The following KCNMA1 variants were observed in gnomAD, a reference collection of about 807,000 sequenced individuals.
The protein encoded by KCNMA1 is Calcium-activated potassium channel subunit alpha-1.
Under a neutral mutation model 140.0 loss-of-function variants are expected in KCNMA1, and 29 were observed. The ratio of observed to expected loss-of-function variants is 0.21; its 90% confidence interval spans 0.15 to 0.28. The LOEUF (loss-of-function observed/expected upper bound fraction) is 0.28. Among genes scored for constraint, KCNMA1 ranks in the 10% least tolerant of loss-of-function variants. The probability of loss-of-function intolerance (pLI) is 1.00; values close to 1 mark genes in which losing one functional copy is unlikely to be tolerated. For missense variants in KCNMA1, 880 were observed against 1,602.2 expected (o/e 0.55, Z 7.70); for synonymous variants, 612 against 611.9 (o/e 1.00, Z 0.00).
chr10:77,021,585 T>C (rs575369980), intron 16 of KCNMA1, among the ~76,000 whole-genome samples: 2 of 152,344 alleles, frequency 1.3e-5, no homozygotes, highest in Admixed American at 6.5e-5. Flanking sequence ...TATCTGGTGA[T>C]GGGCTAATTT....
intron 1 of KCNMA1, among the ~76,000 whole-genome samples, chr10:77,438,878 A>G (rs1362637324): frequency 6.6e-6 from 1 of 152,112 alleles, no homozygotes; most frequent in East Asian, 1.9e-4. Flanking sequence ...GGAGTTCAAG[A>G]CCAGCCTGAC....
chr10:77,320,272 GT>G (rs770598027), intron 2 of KCNMA1, among the ~76,000 whole-genome samples: 4 of 151,776 alleles, frequency 2.6e-5, no homozygotes, highest in Admixed American at 6.6e-5. Context: ...CATGAAAAAG[GT>G]AAGTGTCAAA....
intron 2 of KCNMA1, among the ~76,000 whole-genome samples, chr10:77,286,349 C>T (rs2070820989): frequency 6.6e-6 from 1 of 152,142 alleles, no homozygotes; most frequent in Non-Finnish European, 1.5e-5. Context: ...GTGTTAAAGA[C>T]CTGGTAGAAC....
downstream of KCNMA1, chr10:76,876,599 T>G: frequency 6.6e-6 from 1 of 152,362 alleles, no homozygotes; most frequent in Admixed American, 6.5e-5. Flanking sequence ...TTGTTATTAT[T>G]ATTTTTAAAT....
At chr10:76,970,126 A>C in intron 19 of KCNMA1, 59 bp from the exon 20 acceptor site, 1 of 1,310,644 alleles carries the variant, frequency 7.6e-7, no homozygotes. Context: ...TGTGCAATAC[A>C]GGCAAAATAT....
intron 17 of KCNMA1, among the ~76,000 whole-genome samples, chr10:77,016,444 C>T (rs1272932388): frequency 2.6e-5 from 4 of 152,156 alleles, no homozygotes; most frequent in Admixed American, 2.0e-4. Flanking sequence ...TAAATGTAAA[C>T]GACTTATACA....
intron 9 of KCNMA1, among the ~76,000 whole-genome samples, chr10:77,095,975 T>C (rs749275881): frequency 2.0e-4 from 30 of 152,206 alleles, no homozygotes; most frequent in Non-Finnish European, 4.3e-4. Context: ...ATACTGGTTG[T>C]TAGAGCCAGT....
At chr10:77,142,378 AAAAAG>A (rs2098196523) in intron 5 of KCNMA1, among the ~76,000 whole-genome samples, 1 of 151,950 alleles carries the variant, frequency 6.6e-6, no homozygotes, top group Non-Finnish European at 1.5e-5. Context: ...TTAAAAAAAA[AAAAAG>A]AAAAGAAAAG....
chr10:76,907,839 C>T (rs1233992394), intron 25 of KCNMA1, among the ~76,000 whole-genome samples: 1 of 152,122 alleles, frequency 6.6e-6, no homozygotes, highest in Non-Finnish European at 1.5e-5. Context: ...CGCACCCAGC[C>T]CCAAGTCTCT....
chr10:77,316,246 G>A (rs1203910957), intron 2 of KCNMA1, among the ~76,000 whole-genome samples: 1 of 152,124 alleles, frequency 6.6e-6, no homozygotes, highest in Non-Finnish European at 1.5e-5. Flanking sequence ...CAGGAGCCCT[G>A]CTGGGCAGCA....
intron 1 of KCNMA1, among the ~76,000 whole-genome samples, chr10:77,458,308 CA>C (rs2097793175): frequency 6.6e-6 from 1 of 152,192 alleles, no homozygotes; most frequent in African/African-American, 2.4e-5. Context: ...TTGTTCCTTC[CA>C]ACCATTCTAA....
Position 76,966,602 on chromosome 10 carries a change from C to T in KCNMA1, c.2360+3372G>A, listed in dbSNP as rs578171018. On this transcript the variant is annotated intron_variant, in intron 20 of 27. Coordinates refer to ENST00000286628, the MANE Select transcript of KCNMA1 (RefSeq NM_001161352.2). Reference sequence around the variant, plus strand: ...CTAGGACTTTACAAATGAGGAAAGACGTGGCTATCCTTACAAGGCACCACC... The same window carrying T: ...CTAGGACTTTACAAATGAGGAAAGATGTGGCTATCCTTACAAGGCACCACC... 7.9e-5 allele frequency among the ~76,000 whole-genome samples: 12 copies of T among 152,232 alleles called. 2 individuals are homozygous for T. Among genetic ancestry groups the T allele is most frequent in the African/African-American group, 1.7e-4 (7 of 41,552 alleles).
intron 3 of KCNMA1, among the ~76,000 whole-genome samples, chr10:77,229,123 C>A (rs1042491039): frequency 1.3e-5 from 2 of 150,948 alleles, no homozygotes; most frequent in African/African-American, 4.9e-5. Flanking sequence ...GGAACAATGA[C>A]TACTTCAAGT....
chr10:77,587,274 G>C (rs2077520188), intron 1 of KCNMA1: 1 of 152,086 alleles, frequency 6.6e-6, no homozygotes, highest in Non-Finnish European at 1.5e-5. Flanking sequence ...ATCACGCCCT[G>C]AAGAAGGCAA....
chr10:77,092,186 G>A (rs1018870295), intron 9 of KCNMA1: 3 of 152,130 alleles, frequency 2.0e-5, no homozygotes, highest in African/African-American at 7.2e-5. Flanking sequence ...ATGGTGAGTA[G>A]TATGAGGCTA....
At chr10:77,327,473 C>A (rs1243871847) in intron 2 of KCNMA1, among the ~76,000 whole-genome samples, 1 of 152,040 alleles carries the variant, frequency 6.6e-6, no homozygotes, top group Non-Finnish European at 1.5e-5. Context: ...CCTACCTCAG[C>A]CTCCTAGGTA....
intron 2 of KCNMA1, among the ~76,000 whole-genome samples, chr10:77,297,466 T>C (rs1277384104): frequency 6.6e-6 from 1 of 152,200 alleles, no homozygotes; most frequent in Non-Finnish European, 1.5e-5. Context: ...TTCATTCAAG[T>C]AACAGCTTTG....
At chr10:76,899,615 C>A (rs1034210565) in intron 25 of KCNMA1, among the ~76,000 whole-genome samples, 1 of 152,072 alleles carries the variant, frequency 6.6e-6, no homozygotes, top group South Asian at 2.1e-4. Context: ...GACTATGTGG[C>A]CCTCAAAGGC....
At chr10:77,493,040 C>T (rs1478091484) in intron 1 of KCNMA1, among the ~76,000 whole-genome samples, 1 of 152,214 alleles carries the variant, frequency 6.6e-6, no homozygotes, top group East Asian at 1.9e-4. Flanking sequence ...AGTTTATTAA[C>T]CTGAATCCTC....
Sources: gnomAD v4.1 joint callset for allele counts (sites outside exome capture counted in the v4.1 genomes callset) on GRCh38, gnomAD v4.1.1 for gene constraint, MANE v1.5 for transcripts, NCBI Gene and HGNC (gene_info 2026-07-23, HGNC 2026-07-21) for gene names.